CNTNAP5: variants seen among roughly 807,000 people sequenced by gnomAD.
The protein encoded by CNTNAP5 is contactin-associated protein-like 5.
Under a neutral mutation model 150.2 loss-of-function variants are expected in CNTNAP5, and 72 were observed. That is an observed-to-expected ratio of 0.48 (90% CI 0.40 to 0.58). CNTNAP5 has a LOEUF of 0.58. Among genes scored for constraint, CNTNAP5 ranks in the 20% least tolerant of loss-of-function variants. The pLI is 0.00. For synonymous variants in CNTNAP5, 672 were observed against 619.8 expected (o/e 1.08, Z -1.25); for missense variants, 1,636 against 1,626.2 (o/e 1.01, Z -0.10).
chr2:124,437,352 T>C (rs967362679), intron 5 of CNTNAP5, among the ~76,000 whole-genome samples: 5 of 152,156 alleles, frequency 3.3e-5, no homozygotes, highest in Non-Finnish European at 7.4e-5. Context: ...TCCAGTCCGA[T>C]CCTCAAGGAA....
At chr2:124,318,423 A>G (rs1011799357) in intron 3 of CNTNAP5, among the ~76,000 whole-genome samples, 1 of 152,204 alleles carries the variant, frequency 6.6e-6, no homozygotes, top group Non-Finnish European at 1.5e-5. Context: ...TAATTCTTCA[A>G]AGTATGGATG....
intron 6 of CNTNAP5, among the ~76,000 whole-genome samples, chr2:124,458,254 T>C (rs531038345): frequency 6.9e-6 from 1 of 143,908 alleles, no homozygotes; most frequent in African/African-American, 2.5e-5. Flanking sequence ...ATATAAAATA[T>C]ATATTACATA....
chr2:124,811,278 A>G (rs1682212446), intron 19 of CNTNAP5, among the ~76,000 whole-genome samples: 1 of 152,136 alleles, frequency 6.6e-6, no homozygotes, highest in South Asian at 2.1e-4. Flanking sequence ...AGTTAAAAAT[A>G]AGAAGAGTAA....
chr2:124,236,799 TA>T lies in CNTNAP5; in HGVS notation c.188-5390del, dbSNP rs373530257. Among the ~76,000 whole-genome samples the T allele has an allele frequency of 3.9e-3, 574 of 147,314 alleles. 1 individual carries two copies. The highest frequency in any genetic ancestry group is 0.011 in the African/African-American group (452 of 40,558). ...TTCCTATAGGGTTTATTTTAGGCTT[TA>T]AAAAAAAAAATGGTCAGGCTGTATT... On this transcript the variant is annotated intron_variant, in intron 2 of 23. Transcript: ENST00000682447.
At chr2:124,445,507 AC>A (rs1160662646) in intron 5 of CNTNAP5, among the ~76,000 whole-genome samples, 1 of 152,260 alleles carries the variant, frequency 6.6e-6, no homozygotes, top group African/African-American at 2.4e-5. Context: ...AAGTTGTGGA[AC>A]AAACCAATGA....
intron 3 of CNTNAP5, among the ~76,000 whole-genome samples, chr2:124,302,780 C>G (rs1475803667): frequency 6.6e-6 from 1 of 152,150 alleles, no homozygotes. Context: ...TTACCCTGAC[C>G]AAAGACTTCT....
chr2:124,410,201 C>G (rs1358432810), intron 3 of CNTNAP5, among the ~76,000 whole-genome samples: 144 of 149,600 alleles, frequency 9.6e-4, no homozygotes, highest in African/African-American at 3.2e-3. Flanking sequence ...TATATGCACC[C>G]AATACAGGAG....
chr2:124,791,456 G>A (rs1026215530), intron 18 of CNTNAP5, among the ~76,000 whole-genome samples: 1 of 152,122 alleles, frequency 6.6e-6, no homozygotes, highest in Non-Finnish European at 1.5e-5. Context: ...GGAGGTCTCT[G>A]AACAACTTCC....
chr2:124,892,735 G>A (rs1242880247), intron 21 of CNTNAP5, among the ~76,000 whole-genome samples: 2 of 152,050 alleles, frequency 1.3e-5, no homozygotes, highest in Non-Finnish European at 2.9e-5. Flanking sequence ...TTCTCAGTTC[G>A]ACCTCAATTA....
intron 12 of CNTNAP5, among the ~76,000 whole-genome samples, chr2:124,613,249 G>A (rs890257156): frequency 1.3e-5 from 2 of 152,180 alleles, no homozygotes; most frequent in Non-Finnish European, 2.9e-5. Flanking sequence ...TATGAAAAGT[G>A]TGACACAGTG....
In CNTNAP5 at chr2:124,246,316, T is replaced by A. The variant is rs140025849; in HGVS notation, c.381+3923T>A. Among the ~76,000 whole-genome samples the A allele has an allele frequency of 3.9e-3, 594 of 152,240 alleles. 5 individuals are homozygous for A. The highest frequency in any genetic ancestry group is 5.8e-3 in the Non-Finnish European group (397 of 68,012). On this transcript the variant is annotated intron_variant, in intron 3 of 23. Coordinates refer to ENST00000682447, the MANE Select transcript of CNTNAP5 (RefSeq NM_001367498.1). ...ATTTGGAGAGTTTCTGATCTGGCAC[T>A]GAGTGGAATGCTCATGAATGAGGTC... is the stretch of plus-strand genomic sequence containing the variant.
chr2:124,442,053 T>C (rs1000895377), intron 5 of CNTNAP5, among the ~76,000 whole-genome samples: 1 of 152,166 alleles, frequency 6.6e-6, no homozygotes, highest in Non-Finnish European at 1.5e-5. Flanking sequence ...TAGTCACTAT[T>C]TAAGAAGAAG....
chr2:124,901,342 G>A (rs1453962210), intron 21 of CNTNAP5, among the ~76,000 whole-genome samples: 1 of 149,892 alleles, frequency 6.7e-6, no homozygotes, highest in Non-Finnish European at 1.5e-5. Flanking sequence ...TTTGAAACAG[G>A]AAGATAATCC....
intron 3 of CNTNAP5, among the ~76,000 whole-genome samples, chr2:124,415,075 G>C (rs987347476): frequency 1.3e-5 from 2 of 152,160 alleles, no homozygotes; most frequent in African/African-American, 2.4e-5. Context: ...ACAGGGAGGC[G>C]TCCTTTCCAG....
At chr2:124,450,686 G>A (rs980395948) in intron 6 of CNTNAP5, among the ~76,000 whole-genome samples, 6 of 151,600 alleles carry the variant, frequency 4.0e-5, no homozygotes, top group African/African-American at 1.5e-4. Flanking sequence ...TAGCAGCTCA[G>A]TTTACTTCCA....
At chr2:124,447,087 A>G in intron 6 of CNTNAP5, 150 bp downstream of exon 6, 6 of 726,294 alleles carry the variant, frequency 8.3e-6, no homozygotes, top group Non-Finnish European at 1.1e-5. Flanking sequence ...CAGATAGTCA[A>G]CAAGGAAAGG....
chr2:124,283,334 G>T (rs1213417139), intron 3 of CNTNAP5, among the ~76,000 whole-genome samples: 1 of 152,194 alleles, frequency 6.6e-6, no homozygotes, highest in Non-Finnish European at 1.5e-5. Context: ...TGATGCTGTT[G>T]GGAGGTTAAG....
At chr2:124,402,900 A>G (rs1239641073) in intron 3 of CNTNAP5, among the ~76,000 whole-genome samples, 1 of 151,768 alleles carries the variant, frequency 6.6e-6, no homozygotes, top group Non-Finnish European at 1.5e-5. Flanking sequence ...TATTTCTCTC[A>G]TTTTCTTTTC....
At chr2:124,599,254 T>A (rs1456491466) in intron 11 of CNTNAP5, among the ~76,000 whole-genome samples, 2 of 152,246 alleles carry the variant, frequency 1.3e-5, no homozygotes, top group Non-Finnish European at 2.9e-5. Context: ...TCTTTTTCCA[T>A]ATAGTTTCCC....
Sources: allele counts gnomAD v4.1 joint callset (sites outside exome capture counted in the v4.1 genomes callset), GRCh38; gene constraint gnomAD v4.1.1; transcripts MANE v1.5; gene names NCBI Gene and HGNC (gene_info 2026-07-23, HGNC 2026-07-21).